RFT1: variants seen among roughly 807,000 people sequenced by gnomAD.
RFT1 encodes the protein RFT1 glycolipid translocator homolog.
Under a neutral mutation model 62.2 loss-of-function variants are expected in RFT1, and 43 were observed. The observed-to-expected ratio is 0.69, with a 90% CI of 0.54 to 0.89. RFT1 has a LOEUF of 0.89. Ranked by LOEUF, RFT1 falls within the 40% of genes least tolerant of loss-of-function variation. The probability of loss-of-function intolerance (pLI) is 0.00; values close to 1 mark genes in which losing one functional copy is unlikely to be tolerated. For missense variants in RFT1, 605 were observed against 649.9 expected (o/e 0.93, Z 0.75); for synonymous variants, 262 against 264.6 (o/e 0.99, Z 0.10).
intron 2 of RFT1, 62 bp from the exon 3 acceptor site, chr3:53,123,902 AT>A: frequency 7.3e-7 from 1 of 1,360,810 alleles, no homozygotes; most frequent in East Asian, 2.3e-5. Flanking sequence ...AACTTCTGGG[AT>A]TTTTCCAGCA....
rs763305146 is a variant in RFT1, at chr3:53,092,014, C to T, written c.1515G>A (p.Gly505=). The part of the protein sequence containing the change: ...WPARLAHIAV[G]AFCLGATLGT... ...CGAGAGTTGCTCCCAGACAGAAGGC[C>T]CCCACAGCAATGTGTGCCAGTCTGG... Residue 505 remains glycine (G), a synonymous_variant, in exon 13 of 13, where the codon GGG becomes GGA. Transcript: ENST00000296292. 6.2e-7 allele frequency: 1 copy of T among 1,614,128 alleles called. No individual in the cohort carries two copies. The highest frequency in any genetic ancestry group is 1.3e-5 in the African/African-American group (1 of 74,940).
chr3:53,123,672 G>A, intron 3 of RFT1, 52 bp downstream of exon 3: 1 of 1,382,736 alleles, frequency 7.2e-7, no homozygotes, highest in Non-Finnish European at 1.0e-6. Context: ...CATTTCCAAT[G>A]CTCACTACAC....
In RFT1 at chr3:53,091,719, C is replaced by G. The variant is rs548020075; in HGVS notation, c.*184G>C. On this transcript the variant is annotated 3_prime_UTR_variant, in exon 13 of 13. Transcript: ENST00000296292. ...CTTCACTTAAAAATGAAACTCCCCC[C>G]CCGCATTTCAGACTTCGAATGGTCA... 1.3e-3 allele frequency: 880 copies of G among 661,912 alleles called. 4 individuals carry two copies. Among genetic ancestry groups the G allele is most frequent in the South Asian group, 3.3e-3 (198 of 59,816 alleles). The allele number at this position is 661,912 out of a possible 1,614,324, so 41.0% of individuals were successfully genotyped here. A position where few individuals can be genotyped will look rare whatever the true frequency, so the allele number is the denominator to read the frequency against.
the RFT1 span, among the ~76,000 whole-genome samples, chr3:53,080,425 G>T: frequency 6.6e-6 from 1 of 152,188 alleles, no homozygotes; most frequent in African/African-American, 2.4e-5. Context: ...GGCCAGCTGG[G>T]CCTAAAAGCA....
chr3:53,070,080 C>T, the RFT1 span, among the ~76,000 whole-genome samples: 6 of 152,134 alleles, frequency 3.9e-5, no homozygotes, highest in African/African-American at 1.4e-4. Context: ...CTCCCACCTG[C>T]CCCCATCCCA....
intron 1 of RFT1, among the ~76,000 whole-genome samples, chr3:53,126,267 A>G (rs551763946): frequency 1.9e-4 from 29 of 152,338 alleles, no homozygotes; most frequent in African/African-American, 5.8e-4. Context: ...AGAGGCCCCA[A>G]TAGACTCACT....
At chr3:53,107,077 A>G (rs1701500189) in intron 7 of RFT1, among the ~76,000 whole-genome samples, 2 of 152,134 alleles carry the variant, frequency 1.3e-5, no homozygotes, top group African/African-American at 4.8e-5. Context: ...TTGACAGCAA[A>G]TCTCCAAGCC....
chr3:53,100,097 G>C (rs1701270761), intron 10 of RFT1, among the ~76,000 whole-genome samples: 2 of 152,208 alleles, frequency 1.3e-5, no homozygotes, highest in South Asian at 4.1e-4. Context: ...AGCATGAATA[G>C]GCCTGCTGGT....
In RFT1 at chr3:53,092,012, G is replaced by T; in HGVS notation, c.1517C>A (p.Ala506Asp). The change falls in exon 13 of 13, where the codon GCC becomes GAC. Residue 506 changes from alanine to aspartate, a missense_variant. Physicochemically the swap from Ala to Asp is moderately radical, Grantham distance 126 (BLOSUM62 -2). Coordinates refer to ENST00000296292, the MANE Select transcript of RFT1 (RefSeq NM_052859.4). ...CCCGAGAGTTGCTCCCAGACAGAAGGCCCCCACAGCAATGTGTGCCAGTCT... is the reference window on the plus strand; with the variant it reads ...CCCGAGAGTTGCTCCCAGACAGAAGTCCCCCACAGCAATGTGTGCCAGTCT... The part of the protein sequence containing the change: ...PARLAHIAVG[A>D]FCLGATLGTA... 6.2e-7 allele frequency: 1 copy of T among 1,614,210 alleles called. No individual in the cohort carries two copies. The highest frequency in any genetic ancestry group is 8.5e-7 in the Non-Finnish European group (1 of 1,180,036).
Position 53,106,949 on chromosome 3 carries a change from C to A in RFT1, c.776-80G>T. ...TTTCCTTTCTCTCACCAGCTATCAA[C>A]TTTTCCAGCTGACAAATAAAGGAGA... On this transcript the variant is annotated intron_variant, in intron 7 of 12. Transcript: ENST00000296292. 7 of 1,040,690 alleles carry A rather than the reference C, an allele frequency of 6.7e-6. No homozygotes were observed. The South Asian group carries it at 9.2e-5, about 14-fold the overall frequency. The allele number at this position is 1,040,690 out of a possible 1,614,324, so 64.5% of individuals were successfully genotyped here.
At chr3:53,103,862 A>G (rs1701385095) in intron 10 of RFT1, 91 bp downstream of exon 10, 1 of 1,488,354 alleles carries the variant, frequency 6.7e-7, no homozygotes, top group Admixed American at 1.7e-5. Flanking sequence ...TGACACAGAT[A>G]ACAACTGTGT....
chr3:53,067,397 C>T, the RFT1 span, among the ~76,000 whole-genome samples: 1 of 152,114 alleles, frequency 6.6e-6, no homozygotes, highest in South Asian at 2.1e-4. Context: ...AAGGAGGCCA[C>T]ACACAGAAGA....
intron 11 of RFT1, among the ~76,000 whole-genome samples, chr3:53,095,034 G>A (rs1181649885): frequency 6.7e-6 from 1 of 149,506 alleles, no homozygotes; most frequent in African/African-American, 2.5e-5. Flanking sequence ...TTGGGAGGCC[G>A]AGGCGGGTAG....
the RFT1 span, among the ~76,000 whole-genome samples, chr3:53,068,318 C>T: frequency 6.6e-6 from 1 of 151,826 alleles, no homozygotes; most frequent in East Asian, 1.9e-4. Context: ...GCAGGAGAGA[C>T]CCCCCCCACC....
the RFT1 span, among the ~76,000 whole-genome samples, chr3:53,070,393 G>GTTT: frequency 1.6e-3 from 141 of 85,456 alleles, 23 homozygotes; most frequent in African/African-American, 6.0e-3. Flanking sequence ...CTGTATTATG[G>GTTT]TTTTTTTTTT....
intron 2 of RFT1, 129 bp from the exon 3 acceptor site, chr3:53,123,969 T>G: frequency 1.3e-6 from 1 of 743,382 alleles, no homozygotes; most frequent in East Asian, 2.7e-5. Flanking sequence ...TGGAAGGCAG[T>G]GGGCTCTTAC....
Position 53,091,653 on chromosome 3 carries a change from A to G in RFT1, c.*250T>C. 1.9e-6 allele frequency: 1 copy of G among 524,004 alleles called. No individual in the cohort carries two copies. The highest frequency in any genetic ancestry group is 2.1e-5 in the South Asian group (1 of 47,192). The allele number at this position is 524,004 out of a possible 1,614,324, so 32.5% of individuals were successfully genotyped here. A position where few individuals can be genotyped will look rare whatever the true frequency, so the allele number is the denominator to read the frequency against. ...AGTAAAAGAGAAAATGCTGATTACTATAAAATGATAAAAAACTATTATTTT... is the reference window on the plus strand; with the variant it reads ...AGTAAAAGAGAAAATGCTGATTACTGTAAAATGATAAAAAACTATTATTTT... On this transcript the variant is annotated 3_prime_UTR_variant, in exon 13 of 13. Transcript: ENST00000296292.
At chr3:53,081,659 GC>G in the RFT1 span, among the ~76,000 whole-genome samples, 1 of 152,194 alleles carries the variant, frequency 6.6e-6, no homozygotes, top group Non-Finnish European at 1.5e-5. Flanking sequence ...AAAGTGAGGT[GC>G]CTTCCCACTC....
At chr3:53,084,189 G>A (rs1003243323), downstream of RFT1, among the ~76,000 whole-genome samples, 39 of 152,324 alleles carry the variant, frequency 2.6e-4, no homozygotes, top group Non-Finnish European at 2.9e-4. Flanking sequence ...TGAAAGGACT[G>A]GCTCCTACAT....
Sources: gnomAD v4.1 joint callset for allele counts (sites outside exome capture counted in the v4.1 genomes callset) on GRCh38, gnomAD v4.1.1 for gene constraint, MANE v1.5 for transcripts, NCBI Gene and HGNC (gene_info 2026-07-23, HGNC 2026-07-21) for gene names.